NUDT3: variants seen among roughly 807,000 people sequenced by gnomAD.
NUDT3 encodes the protein nudix hydrolase 3.
In NUDT3, 9 loss-of-function variants were observed where a neutral mutation model predicts 23.6. That is an observed-to-expected ratio of 0.38 (90% CI 0.23 to 0.66). The LOEUF (loss-of-function observed/expected upper bound fraction) is 0.66. Ranked by LOEUF, NUDT3 falls within the 30% of genes least tolerant of loss-of-function variation. The pLI is 0.52. For synonymous variants in NUDT3, 86 were observed against 82.6 expected, an observed-to-expected ratio of 1.04 and a Z score of -0.22; for missense variants, 172 against 218.5, an observed-to-expected ratio of 0.79 and a Z score of 1.34.
chr6:34,375,047 A>G (rs1172734423), intron 1 of NUDT3, among the ~76,000 whole-genome samples: 1 of 152,178 alleles, frequency 6.6e-6, no homozygotes, highest in East Asian at 1.9e-4. Context: ...CCCACTAGGT[A>G]ATAAGTTACC....
intron 1 of NUDT3, among the ~76,000 whole-genome samples, chr6:34,350,619 G>A (rs1317754932): frequency 1.3e-5 from 2 of 150,724 alleles, no homozygotes; most frequent in Non-Finnish European, 2.9e-5. Flanking sequence ...AATTATCACA[G>A]GGCCAAGCAC....
intron 1 of NUDT3, among the ~76,000 whole-genome samples, chr6:34,365,432 A>C (rs575498076): frequency 6.6e-6 from 1 of 152,138 alleles, no homozygotes; most frequent in Non-Finnish European, 1.5e-5. Context: ...TGTCTCAAAA[A>C]TAAATAAAAT....
intron 2 of NUDT3, among the ~76,000 whole-genome samples, chr6:34,336,910 G>A (rs1244717347): frequency 2.0e-5 from 3 of 152,118 alleles, no homozygotes; most frequent in Non-Finnish European, 4.4e-5. Flanking sequence ...AGATCTGAAA[G>A]CATAAACATC....
chr6:34,327,026 G>A (rs55805389), intron 2 of NUDT3, among the ~76,000 whole-genome samples: 18 of 151,716 alleles, frequency 1.2e-4, no homozygotes, highest in South Asian at 2.1e-4. Flanking sequence ...CCACCAAGAC[G>A]CGGAGACCGG....
rs189452813 is a variant in NUDT3 at position 34,287,310 on chromosome 6, C to T, written c.*1443G>A. 34 of 152,256 alleles carry T rather than the reference C, an allele frequency of 2.2e-4. No individual in the cohort carries two copies. Among genetic ancestry groups the T allele is most frequent in the African/African-American group, 8.2e-4 (34 of 41,554 alleles). The allele number at this position is 152,256 out of a possible 1,614,324, so 9.4% of individuals were successfully genotyped here. On this transcript the variant is annotated 3_prime_UTR_variant, in exon 5 of 5. Coordinates refer to ENST00000607016, the MANE Select transcript of NUDT3 (RefSeq NM_006703.4). Reference sequence around the variant, plus strand: ...ACAGAGATAATCTCCTGTCTTAAGCCACGGATCAGTCAGTGTAGCCCTCCC... The same window carrying T: ...ACAGAGATAATCTCCTGTCTTAAGCTACGGATCAGTCAGTGTAGCCCTCCC...
rs1336369770 is a variant in NUDT3, at chr6:34,318,989, T to C, written c.210+22873A>G. On this transcript the variant is annotated intron_variant, in intron 2 of 4. Transcript: ENST00000607016. ...GATTTAGTCAATGTGTCCAAGCCTG[T>C]GGCAAGAGAGGAGAGATAGGGCTTT... Among the ~76,000 whole-genome samples the C allele has an allele frequency of 2.0e-5, 3 of 150,704 alleles. No homozygotes were observed. In the East Asian group the frequency reaches 5.8e-4, roughly 29 times the overall value.
intron 3 of NUDT3, 138 bp from the exon 4 acceptor site, chr6:34,293,673 GT>G: frequency 1.0e-6 from 1 of 968,444 alleles, no homozygotes. Context: ...TGGTCCTACA[GT>G]TATAGCTACA....
intron 1 of NUDT3, among the ~76,000 whole-genome samples, chr6:34,352,037 A>G (rs1013478721): frequency 6.6e-6 from 1 of 152,116 alleles, no homozygotes; most frequent in Non-Finnish European, 1.5e-5. Flanking sequence ...TCCACAAAAA[A>G]AACAAAAAAC....
rs1763395784 is a variant in NUDT3 at position 34,290,132 on chromosome 6, G to A, written c.341-1201C>T. On this transcript the variant is annotated intron_variant, in intron 4 of 4. Transcript: ENST00000607016. ...CAAGTCTGTTATGACTATTAGTATGGAAAGCACCTGAAGAGTAACTGGCTG... is the reference window on the plus strand; with the variant it reads ...CAAGTCTGTTATGACTATTAGTATGAAAAGCACCTGAAGAGTAACTGGCTG... Among the ~76,000 whole-genome samples the A allele has an allele frequency of 2.0e-5, 3 of 152,200 alleles. No individual in the cohort carries two copies. The South Asian group carries it at 6.2e-4, about 31-fold the overall frequency.
rs539791001 is a variant in NUDT3 at position 34,348,342 on chromosome 6, C to T, written c.100-6370G>A. ...CCCCACCAAAAAAAAAATAGCCAGG[C>T]GTGGTGGTGCATATTTACAGTTCCA... On this transcript the variant is annotated intron_variant, in intron 1 of 4. Transcript: ENST00000607016. 4.0e-5 allele frequency among the ~76,000 whole-genome samples: 6 copies of T among 151,530 alleles called. No homozygotes were observed. In the East Asian group the frequency reaches 7.8e-4, roughly 20 times the overall value.
In NUDT3 at chr6:34,288,523, A is replaced by G. The variant is rs1178178782; in HGVS notation, c.*230T>C. ...GAAGAGGGAGGGACAGATCATGCAC[A>G]AAAGTACTTACAAATTACACACCCA... is the stretch of plus-strand genomic sequence containing the variant. On this transcript the variant is annotated 3_prime_UTR_variant, in exon 5 of 5. Transcript: ENST00000607016. The G allele has an allele frequency of 1.9e-6, 1 of 537,862 alleles. No individual in the cohort carries two copies. The highest frequency in any genetic ancestry group is 3.1e-6 in the Non-Finnish European group (1 of 318,078). The allele number at this position is 537,862 out of a possible 1,614,324, so 33.3% of individuals were successfully genotyped here.
chr6:34,347,266 G>A (rs1470875119), intron 1 of NUDT3, among the ~76,000 whole-genome samples: 2 of 152,172 alleles, frequency 1.3e-5, no homozygotes, highest in Non-Finnish European at 2.9e-5. Flanking sequence ...CTCAACAAAC[G>A]TTCATTAAGT....
intron 1 of NUDT3, among the ~76,000 whole-genome samples, chr6:34,374,558 T>C (rs1292980237): frequency 6.6e-6 from 1 of 152,174 alleles, no homozygotes; most frequent in Non-Finnish European, 1.5e-5. Flanking sequence ...GCCTGCACAA[T>C]CTGTATTGGA....
Position 34,299,525 on chromosome 6 carries a change from A to T in NUDT3, c.211-3840T>A, listed in dbSNP as rs532648135. On this transcript the variant is annotated intron_variant, in intron 2 of 4. Transcript: ENST00000607016. ...CTGCAGCCTTGAACTCCTGGGCTCA[A>T]GTGATCCTCCTGTCTTAGCCTCCCA... Among the ~76,000 whole-genome samples, 5 of 152,072 alleles carry T rather than the reference A, an allele frequency of 3.3e-5. No homozygotes were observed. In the South Asian group the frequency reaches 1.0e-3, roughly 32 times the overall value.
At chr6:34,340,929 G>C (rs755507894) in intron 2 of NUDT3, among the ~76,000 whole-genome samples, 1 of 152,080 alleles carries the variant, frequency 6.6e-6, no homozygotes, top group Non-Finnish European at 1.5e-5. Context: ...ATATTCCAAG[G>C]GTAAGATTAT....
At chr6:34,359,031 G>A (rs1267927607) in intron 1 of NUDT3, among the ~76,000 whole-genome samples, 2 of 152,100 alleles carry the variant, frequency 1.3e-5, no homozygotes, top group East Asian at 3.8e-4. Flanking sequence ...AGGAAGATAA[G>A]GAGTTATCAC....
At chr6:34,369,991 A>T (rs745391505) in intron 1 of NUDT3, among the ~76,000 whole-genome samples, 2 of 152,246 alleles carry the variant, frequency 1.3e-5, no homozygotes, top group Admixed American at 6.5e-5. Context: ...CAAATTTTTT[A>T]AAGTTACATT....
intron 2 of NUDT3, among the ~76,000 whole-genome samples, chr6:34,313,503 C>T (rs58211939): frequency 0.077 from 11,738 of 151,960 alleles, 922 homozygotes; most frequent in African/African-American, 0.2. Flanking sequence ...ACGAGGGATT[C>T]GGGGTGATTA....
At chr6:34,296,743 C>T (rs928599880) in intron 2 of NUDT3, among the ~76,000 whole-genome samples, 3 of 152,044 alleles carry the variant, frequency 2.0e-5, no homozygotes, top group African/African-American at 4.8e-5. Flanking sequence ...GGATTAAGAC[C>T]CTGCTCTGAC....
Sources: allele counts gnomAD v4.1 joint callset (sites outside exome capture counted in the v4.1 genomes callset), GRCh38; gene constraint gnomAD v4.1.1; transcripts MANE v1.5; gene names NCBI Gene and HGNC (gene_info 2026-07-23, HGNC 2026-07-21).